SNX4: variants seen among roughly 807,000 people sequenced by gnomAD.
SNX4 encodes the protein sorting nexin 4.
A neutral mutation model predicts 70.8 loss-of-function variants in SNX4; 49 were observed. The observed-to-expected ratio is 0.69, with a 90% CI of 0.55 to 0.88. The LOEUF is 0.88. SNX4 is among the 40% of genes least tolerant of loss of function. SNX4 has a pLI of 0.00. For synonymous variants in SNX4, 206 were observed against 183.8 expected, an observed-to-expected ratio of 1.12 and a Z score of -0.98; for missense variants, 528 against 544.8, an observed-to-expected ratio of 0.97 and a Z score of 0.31.
chr3:125,499,766 A>C (rs1055901010), intron 2 of SNX4, among the ~76,000 whole-genome samples: 2 of 150,614 alleles, frequency 1.3e-5, no homozygotes, highest in Admixed American at 1.3e-4. Flanking sequence ...AGTGTTTAAA[A>C]AAAAAAAAAA....
At position 125,497,882 on chromosome 3, in the gene SNX4, T is replaced by G. The variant is rs199858042; in HGVS notation, c.501A>C (p.Ser167=). The G allele has an allele frequency of 1.2e-6, 2 of 1,614,122 alleles. No homozygotes were observed. Among genetic ancestry groups the G allele is most frequent in the Non-Finnish European group, 1.7e-6 (2 of 1,179,968 alleles). The change falls in exon 4 of 14, where the codon TCA becomes TCC. Residue 167 remains serine, a synonymous_variant. Transcript: ENST00000251775. The part of the protein sequence containing the change: ...GLENFLLRIA[S]HPILCRDKIF... ...TTTTGTCTCTACAAAGGATGGGATGTGAAGCAATCCTCAAGAGAAAGTTTT... is the reference window on the plus strand; with the variant it reads ...TTTTGTCTCTACAAAGGATGGGATGGGAAGCAATCCTCAAGAGAAAGTTTT...
Position 125,497,817 on chromosome 3 carries a change from A to G in SNX4, c.549+17T>C, listed in dbSNP as rs763677376. 1 of 1,544,436 alleles carries G rather than the reference A, an allele frequency of 6.5e-7. No individual in the cohort carries two copies. Among genetic ancestry groups the G allele is most frequent in the Non-Finnish European group, 8.7e-7 (1 of 1,143,098 alleles). ...ATTAAATGAATATTTTACTAAGACTAAATAAAAGAAAAATACCTGTGTTAA... is the reference window on the plus strand; with the variant it reads ...ATTAAATGAATATTTTACTAAGACTGAATAAAAGAAAAATACCTGTGTTAA... On this transcript the variant is annotated intron_variant, in intron 4 of 13. Transcript: ENST00000251775.
At chr3:125,518,860 A>C (rs2107578042) in intron 1 of SNX4, among the ~76,000 whole-genome samples, 1 of 151,948 alleles carries the variant, frequency 6.6e-6, no homozygotes, top group South Asian at 2.1e-4. Context: ...AAAAAAAAAA[A>C]AATTTAGCTG....
In SNX4 at chr3:125,478,351, C is replaced by T. The variant is rs112118160; in HGVS notation, c.727-1595G>A. The stretch of plus-strand genomic sequence containing the variant: ...TCCCAAAGTGCTGGGATTACAGGTA[C>T]GAGCCACTGTGCCTGGCCCCCAAGT... On this transcript the variant is annotated intron_variant, in intron 7 of 13. Transcript: ENST00000251775. 7.6e-3 allele frequency among the ~76,000 whole-genome samples: 1,146 copies of T among 151,594 alleles called. 8 individuals carry two copies. Among genetic ancestry groups the T allele is most frequent in the African/African-American group, 0.021 (854 of 41,356 alleles).
rs1187684371 is a variant in SNX4, at chr3:125,520,159, G to A, written c.14C>T (p.Pro5Leu). MEQA[P>L]PDPERQLQPA... ...CTGGAGCTGCCGCTCGGGGTCCGGA[G>A]GTGCCTGCTCCATGGCTGCAGTTCG... is the stretch of plus-strand genomic sequence containing the variant. The change falls in exon 1 of 14, where the codon CCT becomes CTT. Residue 5 changes from proline to leucine, a missense_variant. Transcript: ENST00000251775. The A allele has an allele frequency of 3.5e-6, 5 of 1,424,064 alleles. No homozygotes were observed. The highest frequency in any genetic ancestry group is 3.5e-5 in the Admixed American group (1 of 28,224). The allele number at this position is 1,424,064 out of a possible 1,614,324, so 88.2% of individuals were successfully genotyped here.
chr3:125,454,632 G>A (rs934404723), intron 11 of SNX4, among the ~76,000 whole-genome samples: 4 of 152,154 alleles, frequency 2.6e-5, no homozygotes, highest in Non-Finnish European at 4.4e-5. Flanking sequence ...TGGTATCCCA[G>A]GGATCCTTAA....
intron 1 of SNX4, among the ~76,000 whole-genome samples, chr3:125,519,096 CAGG>C (rs1388183243): frequency 1.3e-5 from 2 of 152,024 alleles, no homozygotes; most frequent in African/African-American, 2.4e-5. Flanking sequence ...GAGGCTGAGG[CAGG>C]AGGATTGTTT....
chr3:125,468,321 T>C (rs1371383209), intron 9 of SNX4, among the ~76,000 whole-genome samples: 1 of 152,206 alleles, frequency 6.6e-6, no homozygotes, highest in Non-Finnish European at 1.5e-5. Context: ...TGAAATGATC[T>C]GTACACCAAA....
At chr3:125,518,547 C>T (rs985467504) in intron 1 of SNX4, among the ~76,000 whole-genome samples, 4 of 152,274 alleles carry the variant, frequency 2.6e-5, no homozygotes. Flanking sequence ...CTTTCAAATC[C>T]TGAAGTCCCT....
At chr3:125,448,616 A>G (rs1368371558) in intron 13 of SNX4, among the ~76,000 whole-genome samples, 7 of 151,628 alleles carry the variant, frequency 4.6e-5, no homozygotes, top group Admixed American at 4.6e-4. Flanking sequence ...TAATATGCAT[A>G]AGCAAAAATA....
At chr3:125,460,582 G>A (rs1933853208) in intron 10 of SNX4, among the ~76,000 whole-genome samples, 189 bp downstream of exon 10, 1 of 152,144 alleles carries the variant, frequency 6.6e-6, no homozygotes, top group East Asian at 1.9e-4. Flanking sequence ...ATGATGCTTC[G>A]AGGGCAGGCC....
intron 4 of SNX4, among the ~76,000 whole-genome samples, 161 bp downstream of exon 4, chr3:125,497,673 G>A (rs950794990): frequency 7.2e-5 from 11 of 151,882 alleles, no homozygotes; most frequent in Non-Finnish European, 8.8e-5. Context: ...AATAGAAAAA[G>A]TTAACCAAAA....
chr3:125,485,340 C>G (rs1438722743), intron 6 of SNX4, among the ~76,000 whole-genome samples: 1 of 152,126 alleles, frequency 6.6e-6, no homozygotes, highest in Non-Finnish European at 1.5e-5. Flanking sequence ...CTCTGCCACC[C>G]AGGCTGAAGT....
In SNX4 at chr3:125,447,641, C is replaced by T. The variant is rs1236538762; in HGVS notation, c.*138G>A. The T allele has an allele frequency of 6.8e-6, 4 of 585,556 alleles. No individual in the cohort carries two copies. The highest frequency in any genetic ancestry group is 3.2e-5 in the East Asian group (1 of 31,338). 36.3% of individuals were successfully genotyped at this position (585,556 alleles called of 1,614,324 possible). A position where few individuals can be genotyped will look rare whatever the true frequency, so the allele number is the denominator to read the frequency against. ...TTTTTGTGCTACATTAACACGACCA[C>T]AATTAAGTTAAAGAAAGCTGAATTT... On this transcript the variant is annotated 3_prime_UTR_variant, in exon 14 of 14. Coordinates refer to ENST00000251775, the MANE Select transcript of SNX4 (RefSeq NM_003794.4).
intron 9 of SNX4, among the ~76,000 whole-genome samples, chr3:125,463,651 T>C (rs1009632598): frequency 1.4e-4 from 22 of 152,168 alleles, no homozygotes; most frequent in African/African-American, 5.3e-4. Context: ...TTCTTTTTTC[T>C]CTCCTAGCTT....
intron 2 of SNX4, among the ~76,000 whole-genome samples, chr3:125,499,749 C>T (rs937479380): frequency 7.1e-6 from 1 of 140,674 alleles, no homozygotes; most frequent in African/African-American, 2.7e-5. Flanking sequence ...GATAGAAGGT[C>T]TGCATAAGTG....
intron 6 of SNX4, among the ~76,000 whole-genome samples, chr3:125,481,738 C>T (rs1156725511): frequency 3.9e-5 from 6 of 152,098 alleles, no homozygotes; most frequent in South Asian, 4.1e-4. Context: ...CATGCCTGGT[C>T]GAAATGTTTC....
rs1470195549 is a variant in SNX4, at chr3:125,519,973, A to AGCCCGGCCCG, written c.141+49_141+58dup. ...GGCCCAGCCCAGCCCAGCCCAGCCCAGCCCGGCCCGCTAGGCCACCACACA... is the reference window on the plus strand; with the variant it reads ...GGCCCAGCCCAGCCCAGCCCAGCCCAGCCCGGCCCGGCCCGGCCCGCTAGGCCACCACACA... On this transcript the variant is annotated intron_variant, in intron 1 of 13. Coordinates refer to ENST00000251775, the MANE Select transcript of SNX4 (RefSeq NM_003794.4). The AGCCCGGCCCG allele has an allele frequency of 2.7e-5, 17 of 637,414 alleles. No homozygotes were observed. The African/African-American group carries it at 4.1e-4, about 15-fold the overall frequency. 39.5% of individuals were successfully genotyped at this position (637,414 alleles called of 1,614,324 possible).
At chr3:125,458,814 C>CAAAAAAAAAAAAAA (rs71148180) in intron 10 of SNX4, among the ~76,000 whole-genome samples, 8 of 64,532 alleles carry the variant, frequency 1.2e-4, no homozygotes, top group South Asian at 8.5e-4. Context: ...GACTCCGTCT[C>CAAAAAAAAAAAAAA]AAAAAAAAAA....
Sources: allele counts gnomAD v4.1 joint callset (sites outside exome capture counted in the v4.1 genomes callset), GRCh38; gene constraint gnomAD v4.1.1; transcripts MANE v1.5; gene names NCBI Gene and HGNC (gene_info 2026-07-23, HGNC 2026-07-21).